TENM2: variants seen among roughly 807,000 people sequenced by gnomAD.
TENM2 encodes the protein teneurin-2.
A neutral mutation model predicts 245.2 loss-of-function variants in TENM2; 52 were observed. The ratio of observed to expected loss-of-function variants is 0.21; its 90% CI spans 0.17 to 0.27. The LOEUF (loss-of-function observed/expected upper bound fraction) is 0.27. TENM2 is among the 10% of genes least tolerant of loss of function. TENM2 has a pLI of 1.00. For missense variants in TENM2, 3,046 were observed against 3,666.8 expected (o/e 0.83, Z 4.37); for synonymous variants, 1,363 against 1,438.9 (o/e 0.95, Z 1.19).
chr5:167,871,528 C>T (rs1020208236), intron 2 of TENM2, among the ~76,000 whole-genome samples: 2 of 152,182 alleles, frequency 1.3e-5, no homozygotes, highest in Admixed American at 6.5e-5. Flanking sequence ...TTAATCCAAT[C>T]ACACAGATAA....
At chr5:167,100,975 T>A in the TENM2 span, among the ~76,000 whole-genome samples, 14 of 152,250 alleles carry the variant, frequency 9.2e-5, no homozygotes, top group Non-Finnish European at 1.5e-4. Context: ...AAAGAAGTAA[T>A]GCTGCAGTTC....
intron 9 of TENM2, among the ~76,000 whole-genome samples, chr5:168,103,775 T>A (rs1482465352): frequency 6.6e-6 from 1 of 152,192 alleles, no homozygotes; most frequent in East Asian, 1.9e-4. Flanking sequence ...GAAGCCTCGA[T>A]CCCATTGGTC....
intron 2 of TENM2, among the ~76,000 whole-genome samples, chr5:167,703,876 G>T (rs1758329065): frequency 6.8e-6 from 1 of 146,972 alleles, no homozygotes; most frequent in Admixed American, 6.9e-5. Context: ...TTGTGCTTAG[G>T]TGTTTTGTTG....
Position 167,989,556 on chromosome 5 carries a change from G to C in TENM2, c.948-3388G>C, listed in dbSNP as rs2546955. ...AATGGGTAGAGAGCCATGGTTCCAT[G>C]TTGTAGAGAGCTTGGTTCCATGTTG... On this transcript the variant is annotated intron_variant, in intron 4 of 28. Coordinates refer to ENST00000518659, the Ensembl canonical transcript of TENM2. Among the ~76,000 whole-genome samples the C allele has an allele frequency of 5.8e-3, 876 of 152,286 alleles. 9 individuals are homozygous for C. The highest frequency in any genetic ancestry group is 0.02 in the African/African-American group (824 of 41,550).
At chr5:167,514,484 G>T (rs1444856274) in intron 2 of TENM2, among the ~76,000 whole-genome samples, 4 of 152,126 alleles carry the variant, frequency 2.6e-5, no homozygotes, top group Non-Finnish European at 1.5e-5. Context: ...TGTCTTTCAT[G>T]GTTCGAAACT....
At chr5:167,982,334 A>G (rs905632735) in intron 4 of TENM2, among the ~76,000 whole-genome samples, 3 of 152,208 alleles carry the variant, frequency 2.0e-5, no homozygotes, top group African/African-American at 7.2e-5. Context: ...TATGAGGATA[A>G]GAACTTACTC....
chr5:168,193,216 T>A (rs986531725), intron 14 of TENM2, among the ~76,000 whole-genome samples: 1 of 152,190 alleles, frequency 6.6e-6, no homozygotes, highest in African/African-American at 2.4e-5. Context: ...GAAATGTAAC[T>A]CCAAGACATA....
chr5:167,811,812 G>C (rs1766665069), intron 2 of TENM2, among the ~76,000 whole-genome samples: 1 of 152,118 alleles, frequency 6.6e-6, no homozygotes, highest in African/African-American at 2.4e-5. Context: ...GGGTTAATAG[G>C]GGTTTAAGAG....
rs890523410 is a variant in TENM2 at position 167,770,769 on chromosome 5, G to A, written c.503-105217G>A. On this transcript the variant is annotated intron_variant, in intron 2 of 28. Transcript: ENST00000518659. ...AAATCTAACTTCTGGAAGAGTAAACGGGATACAACACAGTAAACTTCTGAA... is the reference window on the plus strand; with the variant it reads ...AAATCTAACTTCTGGAAGAGTAAACAGGATACAACACAGTAAACTTCTGAA... Among the ~76,000 whole-genome samples, 7 of 152,032 alleles carry A rather than the reference G, an allele frequency of 4.6e-5. 2 individuals are homozygous for A. The South Asian group carries it at 1.2e-3, about 27-fold the overall frequency.
chr5:167,235,682 A>C, the TENM2 span, among the ~76,000 whole-genome samples: 3 of 145,266 alleles, frequency 2.1e-5, no homozygotes, highest in Non-Finnish European at 4.5e-5. Flanking sequence ...CCAATTCTCT[A>C]AACTACCATC....
At chr5:167,942,365 C>T (rs1022018164) in intron 3 of TENM2, among the ~76,000 whole-genome samples, 7 of 152,152 alleles carry the variant, frequency 4.6e-5, no homozygotes, top group African/African-American at 1.7e-4. Context: ...TATTAACCAC[C>T]TTTTACAGAT....
At chr5:167,939,982 A>C (rs1273110167) in intron 3 of TENM2, among the ~76,000 whole-genome samples, 2 of 152,126 alleles carry the variant, frequency 1.3e-5, no homozygotes. Context: ...GGTGTGTGGG[A>C]GGCCTCTGCT....
At chr5:167,283,328 C>T (rs1771162162), upstream of TENM2, among the ~76,000 whole-genome samples, 1 of 152,124 alleles carries the variant, frequency 6.6e-6, no homozygotes, top group East Asian at 1.9e-4. Context: ...TGAGCCACCG[C>T]GCCCAGCCAA....
intron 2 of TENM2, among the ~76,000 whole-genome samples, chr5:167,767,143 A>G (rs1176546039): frequency 6.6e-6 from 1 of 152,216 alleles, no homozygotes; most frequent in East Asian, 1.9e-4. Flanking sequence ...AGATGGAAGC[A>G]ACCCAAGTGT....
intron 4 of TENM2, among the ~76,000 whole-genome samples, chr5:167,959,258 G>A (rs536939209): frequency 2.8e-4 from 42 of 149,794 alleles, no homozygotes; most frequent in South Asian, 1.1e-3. Context: ...GCAGTGGCGC[G>A]ATCTCGGCTC....
intron 2 of TENM2, among the ~76,000 whole-genome samples, chr5:167,530,311 A>G (rs1468405508): frequency 6.6e-6 from 1 of 152,244 alleles, no homozygotes; most frequent in African/African-American, 2.4e-5. Context: ...AATAAGGAAT[A>G]AAGCTAGGGT....
chr5:168,024,579 A>G (rs1453268399), intron 5 of TENM2, among the ~76,000 whole-genome samples: 1 of 152,212 alleles, frequency 6.6e-6, no homozygotes, highest in Non-Finnish European at 1.5e-5. Context: ...TCAGTTTTTA[A>G]TTAGCTCCAT....
chr5:167,004,023 T>G, the TENM2 span, among the ~76,000 whole-genome samples: 1 of 152,206 alleles, frequency 6.6e-6, no homozygotes, highest in African/African-American at 2.4e-5. Flanking sequence ...TTGTAATTCA[T>G]TTTTAGTATT....
At chr5:167,314,020 G>A (rs1441554989) in intron 1 of TENM2, among the ~76,000 whole-genome samples, 2 of 152,014 alleles carry the variant, frequency 1.3e-5, no homozygotes, top group Non-Finnish European at 2.9e-5. Flanking sequence ...CCCCCACCCC[G>A]ATACAAAAGG....
Sources: allele counts gnomAD v4.1 joint callset (sites outside exome capture counted in the v4.1 genomes callset), GRCh38; gene constraint gnomAD v4.1.1; transcripts MANE v1.5; gene names NCBI Gene and HGNC (gene_info 2026-07-23, HGNC 2026-07-21).